LARGE1: variants seen among roughly 807,000 people sequenced by gnomAD.
LARGE1 encodes xylosyl- and glucuronyltransferase LARGE1.
A neutral mutation model predicts 87.6 loss-of-function variants in LARGE1; 43 were observed. The observed-to-expected ratio is 0.49, with a 90% CI of 0.38 to 0.63. LARGE1 has a LOEUF of 0.63. Ranked by LOEUF, LARGE1 falls within the 30% of genes least tolerant of loss-of-function variation. The pLI is 0.00. For missense variants in LARGE1, 802 were observed against 1,000.2 expected, an observed-to-expected ratio of 0.80 and a Z score of 2.67; for synonymous variants, 434 against 394.6, an observed-to-expected ratio of 1.10 and a Z score of -1.18.
intron 1 of LARGE1, among the ~76,000 whole-genome samples, chr22:33,801,401 A>G (rs565594265): frequency 6.6e-6 from 1 of 152,278 alleles, no homozygotes; most frequent in African/African-American, 2.4e-5. Context: ...TATCGTATTC[A>G]TTCTAATAGG....
rs3071562 is a variant in LARGE1, at chr22:33,459,441, CTTT to C, written c.788-27179_788-27177del. On this transcript the variant is annotated intron_variant, in intron 6 of 14. Coordinates refer to ENST00000397394, the MANE Select transcript of LARGE1 (RefSeq NM_133642.5). ...CAAACAAAGCTCGCTCGCTCTCTCTCTTTTTTTTTTTTTTTTTTTTTGACATTG... is the reference window on the plus strand; with the variant it reads ...CAAACAAAGCTCGCTCGCTCTCTCTCTTTTTTTTTTTTTTTTTTGACATTG... 9.4e-3 allele frequency among the ~76,000 whole-genome samples: 1,206 copies of C among 128,278 alleles called. 8 individuals are homozygous for C. Among genetic ancestry groups the C allele is most frequent in the Middle Eastern group, 0.027 (7 of 262 alleles). 84.2% of individuals were successfully genotyped at this position (128,278 alleles called of 152,430 possible). A position where few individuals can be genotyped will look rare whatever the true frequency, so the allele number is the denominator to read the frequency against.
At chr22:33,495,694 G>C (rs1290015239) in intron 6 of LARGE1, among the ~76,000 whole-genome samples, 1 of 152,176 alleles carries the variant, frequency 6.6e-6, no homozygotes, top group Non-Finnish European at 1.5e-5. Context: ...ACTCCAGCCT[G>C]AGTCAGAGTG....
intron 9 of LARGE1, among the ~76,000 whole-genome samples, chr22:33,373,589 A>C (rs981045656): frequency 3.9e-5 from 6 of 152,142 alleles, no homozygotes; most frequent in Non-Finnish European, 8.8e-5. Context: ...ACCCTTGAGA[A>C]GGCCTGGGAT....
chr22:33,270,653 A>G (rs1465658465), downstream of LARGE1, among the ~76,000 whole-genome samples: 1 of 152,218 alleles, frequency 6.6e-6, no homozygotes, highest in Non-Finnish European at 1.5e-5. Context: ...TATTATCTCT[A>G]CCAAGAGTGT....
chr22:33,485,499 T>A (rs914759829), intron 6 of LARGE1, among the ~76,000 whole-genome samples: 5 of 152,070 alleles, frequency 3.3e-5, no homozygotes, highest in African/African-American at 4.8e-5. Flanking sequence ...GTTCATTTTT[T>A]TAAATAAAAA....
At chr22:33,707,700 G>A (rs972737000) in intron 2 of LARGE1, among the ~76,000 whole-genome samples, 1 of 152,180 alleles carries the variant, frequency 6.6e-6, no homozygotes, top group African/African-American at 2.4e-5. Context: ...AGATAAGTCC[G>A]GGGGAAGCAA....
At chr22:33,495,359 T>G (rs1359034484) in intron 6 of LARGE1, among the ~76,000 whole-genome samples, 2 of 152,234 alleles carry the variant, frequency 1.3e-5, no homozygotes, top group Non-Finnish European at 2.9e-5. Context: ...GGTCGCCTTA[T>G]GCAGTGCATG....
At chr22:33,370,696 T>A (rs993575719) in intron 9 of LARGE1, among the ~76,000 whole-genome samples, 3 of 151,788 alleles carry the variant, frequency 2.0e-5, no homozygotes, top group African/African-American at 4.8e-5. Flanking sequence ...TTATATAATA[T>A]GTTATGTTGT....
chr22:33,374,090 T>A (rs2064916752), intron 9 of LARGE1, among the ~76,000 whole-genome samples: 1 of 152,138 alleles, frequency 6.6e-6, no homozygotes. Context: ...TTATCCCATG[T>A]AACCAAGAAA....
At chr22:33,838,407 G>A (rs1363365299) in intron 1 of LARGE1, among the ~76,000 whole-genome samples, 2 of 152,218 alleles carry the variant, frequency 1.3e-5, no homozygotes, top group East Asian at 3.8e-4. Flanking sequence ...GGGAGGCCAA[G>A]ATGGGAAGAT....
At chr22:33,158,269 T>C (rs936820532), downstream of LARGE1, among the ~76,000 whole-genome samples, 4 of 152,204 alleles carry the variant, frequency 2.6e-5, no homozygotes, top group South Asian at 6.2e-4. Flanking sequence ...TAAAACAAAA[T>C]GGTGTAGATA....
rs534274936 is a variant in LARGE1 at position 33,582,405 on chromosome 22, A to G, written c.616-17386T>C. Among the ~76,000 whole-genome samples, 9 of 135,018 alleles carry G rather than the reference A, an allele frequency of 6.7e-5. No individual in the cohort carries two copies. In the East Asian group the frequency reaches 1.6e-3, roughly 24 times the overall value. The allele number at this position is 135,018 out of a possible 152,430, so 88.6% of individuals were successfully genotyped here. A position where few individuals can be genotyped will look rare whatever the true frequency, so the allele number is the denominator to read the frequency against. On this transcript the variant is annotated intron_variant, in intron 5 of 14. Coordinates refer to ENST00000397394, the MANE Select transcript of LARGE1 (RefSeq NM_133642.5). ...GAAGTAGGAAAGACCTTGAAAGAGG[A>G]AAAAAAAAAAGATGAGTTTGAAGTC...
intron 2 of LARGE1, among the ~76,000 whole-genome samples, chr22:33,711,087 G>A (rs1330847008): frequency 6.6e-6 from 1 of 152,134 alleles, no homozygotes; most frequent in African/African-American, 2.4e-5. Context: ...TGTTATAGGA[G>A]CAGTTGTAGG....
intron 9 of LARGE1, among the ~76,000 whole-genome samples, chr22:33,343,624 C>T (rs1348545608): frequency 2.0e-5 from 3 of 152,108 alleles, no homozygotes; most frequent in African/African-American, 7.2e-5. Flanking sequence ...AATGGACTGT[C>T]TCCCACTCTC....
chr22:33,555,567 C>A (rs2413191), intron 6 of LARGE1, among the ~76,000 whole-genome samples: 1 of 151,908 alleles, frequency 6.6e-6, no homozygotes, highest in South Asian at 2.1e-4. Flanking sequence ...TCTGGAGGAG[C>A]AGCATTCCAG....
chr22:33,544,347 G>C (rs528159220), intron 6 of LARGE1, among the ~76,000 whole-genome samples: 1 of 152,304 alleles, frequency 6.6e-6, no homozygotes, highest in South Asian at 2.1e-4. Context: ...AATGACAAAT[G>C]GTGGTTCCAG....
chr22:33,179,844 T>A (rs908045377), intron 11 of LARGE1, among the ~76,000 whole-genome samples: 6 of 151,598 alleles, frequency 4.0e-5, no homozygotes, highest in Non-Finnish European at 7.4e-5. Context: ...ACGGTTTGAA[T>A]GATGGTGTCT....
chr22:33,243,268 A>G (rs140744900), intron 11 of LARGE1, among the ~76,000 whole-genome samples: 2 of 152,368 alleles, frequency 1.3e-5, no homozygotes, highest in East Asian at 1.9e-4. Flanking sequence ...TAATTTATGT[A>G]TATTTTAAGT....
At chr22:33,900,813 G>A (rs550076136) in intron 1 of LARGE1, among the ~76,000 whole-genome samples, 11 of 152,330 alleles carry the variant, frequency 7.2e-5, no homozygotes, top group African/African-American at 2.4e-4. Flanking sequence ...TTGGGAGGCC[G>A]AGGCAGGCAG....
Sources: allele counts gnomAD v4.1 joint callset (sites outside exome capture counted in the v4.1 genomes callset), GRCh38; gene constraint gnomAD v4.1.1; transcripts MANE v1.5; gene names NCBI Gene and HGNC (gene_info 2026-07-23, HGNC 2026-07-21).